Variants in PHLPP1 observed in about 807,000 individuals in gnomAD.
PHLPP1 encodes the protein PH domain leucine-rich repeat-containing protein phosphatase 1.
A neutral mutation model predicts 117.2 loss-of-function variants in PHLPP1; 42 were observed. The observed-to-expected ratio is 0.36, with a 90% CI of 0.28 to 0.46. The LOEUF is 0.46. Among genes scored for constraint, PHLPP1 ranks in the 20% least tolerant of loss-of-function variants. The pLI is 1.00. For synonymous variants in PHLPP1, 1,042 were observed against 970.7 expected, an observed-to-expected ratio of 1.07 and a Z score of -1.37; for missense variants, 2,084 against 2,241.9, an observed-to-expected ratio of 0.93 and a Z score of 1.42.
At chr18:62,735,405 C>G (rs1568097910) in intron 1 of PHLPP1, among the ~76,000 whole-genome samples, 1 of 152,018 alleles carries the variant, frequency 6.6e-6, no homozygotes. Flanking sequence ...TCTTAAGATA[C>G]CACACAGAAG....
At chr18:62,762,037 G>A (rs1912261719) in intron 1 of PHLPP1, among the ~76,000 whole-genome samples, 1 of 152,148 alleles carries the variant, frequency 6.6e-6, no homozygotes, top group Non-Finnish European at 1.5e-5. Context: ...TGAAACCTAA[G>A]TAATATTTTT....
chr18:62,764,184 C>A (rs57017488), intron 1 of PHLPP1, among the ~76,000 whole-genome samples: 17,266 of 126,326 alleles, frequency 0.14, 1,358 homozygotes, highest in South Asian at 0.29. Context: ...AAAAAAAAAA[C>A]AACAACAACC....
intron 10 of PHLPP1, among the ~76,000 whole-genome samples, chr18:62,935,437 G>A (rs544307562): frequency 6.6e-6 from 1 of 152,300 alleles, no homozygotes; most frequent in African/African-American, 2.4e-5. Flanking sequence ...TAAGATATCA[G>A]TTTTTTGTAG....
intron 4 of PHLPP1, among the ~76,000 whole-genome samples, chr18:62,868,352 T>C (rs1219119988): frequency 6.6e-6 from 1 of 152,138 alleles, no homozygotes; most frequent in Non-Finnish European, 1.5e-5. Context: ...TTCAGACTAT[T>C]TTAGATGAAA....
At chr18:62,802,671 T>A (rs1417994669) in intron 1 of PHLPP1, among the ~76,000 whole-genome samples, 3 of 152,182 alleles carry the variant, frequency 2.0e-5, no homozygotes, top group African/African-American at 4.8e-5. Context: ...AAAACACATA[T>A]GTACATGTTT....
intron 1 of PHLPP1, among the ~76,000 whole-genome samples, chr18:62,782,392 T>A (rs1251218001): frequency 6.6e-6 from 1 of 152,192 alleles, no homozygotes; most frequent in Admixed American, 6.5e-5. Flanking sequence ...ATTGGATTTT[T>A]TAATTGGGTG....
intron 1 of PHLPP1, among the ~76,000 whole-genome samples, chr18:62,720,221 C>G (rs902113988): frequency 6.6e-6 from 1 of 152,108 alleles, no homozygotes; most frequent in Non-Finnish European, 1.5e-5. Flanking sequence ...GTTATGGACT[C>G]CTAAACATGA....
At chr18:62,860,022 C>G (rs1915593760) in intron 3 of PHLPP1, among the ~76,000 whole-genome samples, 2 of 152,294 alleles carry the variant, frequency 1.3e-5, no homozygotes, top group African/African-American at 4.8e-5. Flanking sequence ...CTTACACAAA[C>G]CTAGATGGTG....
At chr18:62,900,437 T>C (rs1175496812) in intron 6 of PHLPP1, among the ~76,000 whole-genome samples, 14 of 101,498 alleles carry the variant, frequency 1.4e-4, no homozygotes, top group East Asian at 1.2e-3. Flanking sequence ...TTCTTTCTTT[T>C]TTTTTTTTTT....
chr18:62,970,240 C>T lies in PHLPP1; in HGVS notation c.3561-2274C>T, dbSNP rs536466904. Among the ~76,000 whole-genome samples the T allele has an allele frequency of 3.9e-5, 6 of 152,288 alleles. No individual in the cohort carries two copies. The South Asian group carries it at 1.2e-3, about 32-fold the overall frequency. Reference sequence around the variant, plus strand: ...CTTGCAAATATGTACTTCTCCTTCTCCTGTCCTGGCCTTTATGCTGTTGTT... The same window carrying T: ...CTTGCAAATATGTACTTCTCCTTCTTCTGTCCTGGCCTTTATGCTGTTGTT... On this transcript the variant is annotated intron_variant, in intron 14 of 16. Coordinates refer to ENST00000262719, the MANE Select transcript of PHLPP1 (RefSeq NM_194449.4).
intron 15 of PHLPP1, among the ~76,000 whole-genome samples, chr18:62,974,952 G>T (rs77648130): frequency 0.019 from 2,963 of 152,290 alleles, 97 homozygotes; most frequent in African/African-American, 0.067. Context: ...GTGGGGTAGG[G>T]TGTTTATACC....
rs188389234 is a variant in PHLPP1 at position 62,853,802 on chromosome 18, G to A, written c.1900-6633G>A. ...CAGTTTATCCTTATAACTGCTCAAC[G>A]ACGAGAGCATTGGCTTACATCGTAG... On this transcript the variant is annotated intron_variant, in intron 3 of 16. Coordinates refer to ENST00000262719, the MANE Select transcript of PHLPP1 (RefSeq NM_194449.4). Among the ~76,000 whole-genome samples, 10 of 152,304 alleles carry A rather than the reference G, an allele frequency of 6.6e-5. No individual in the cohort carries two copies. The East Asian group carries it at 1.7e-3, about 26-fold the overall frequency.
At chr18:62,744,057 T>A (rs181028905) in intron 1 of PHLPP1, among the ~76,000 whole-genome samples, 277 of 152,366 alleles carry the variant, frequency 1.8e-3, no homozygotes, top group African/African-American at 6.5e-3. Context: ...GTGTTTTGTT[T>A]GGTAGGCACA....
chr18:62,959,375 A>G (rs952097461), intron 13 of PHLPP1, among the ~76,000 whole-genome samples: 1 of 152,236 alleles, frequency 6.6e-6, no homozygotes, highest in Non-Finnish European at 1.5e-5. Flanking sequence ...AAAATTCACA[A>G]TGAAGTTTTA....
chr18:62,967,668 A>G (rs987590379), intron 14 of PHLPP1, among the ~76,000 whole-genome samples: 1 of 150,808 alleles, frequency 6.6e-6, no homozygotes, highest in East Asian at 2.0e-4. Flanking sequence ...CAGATAACAC[A>G]TTTTGTCATA....
intron 3 of PHLPP1, among the ~76,000 whole-genome samples, chr18:62,841,009 T>A (rs1450826598): frequency 6.6e-6 from 1 of 151,192 alleles, no homozygotes; most frequent in Non-Finnish European, 1.5e-5. Context: ...CCTACCTCAG[T>A]CTCCTGAGTA....
intron 1 of PHLPP1, among the ~76,000 whole-genome samples, chr18:62,766,102 T>TATATAA (rs1491446982): frequency 2.8e-4 from 17 of 60,692 alleles, no homozygotes; most frequent in African/African-American, 6.8e-4. Context: ...TATATATATA[T>TATATAA]AAAATATATA....
intron 1 of PHLPP1, among the ~76,000 whole-genome samples, chr18:62,734,775 A>C (rs994865550): frequency 3.3e-5 from 5 of 152,184 alleles, no homozygotes; most frequent in African/African-American, 1.2e-4. Flanking sequence ...CCTCTGTGAA[A>C]ATTTTTACAG....
intron 10 of PHLPP1, among the ~76,000 whole-genome samples, chr18:62,935,633 T>C (rs1909947101): frequency 6.6e-6 from 1 of 152,160 alleles, no homozygotes; most frequent in South Asian, 2.1e-4. Context: ...TAAACATGTA[T>C]GTTTTAGTTC....
Sources: gnomAD v4.1 joint callset for allele counts (sites outside exome capture counted in the v4.1 genomes callset) on GRCh38, gnomAD v4.1.1 for gene constraint, MANE v1.5 for transcripts, NCBI Gene and HGNC (gene_info 2026-07-23, HGNC 2026-07-21) for gene names.